Variants in CBFB observed in about 807,000 individuals in gnomAD.
CBFB encodes CBF-beta.
A neutral mutation model predicts 30.4 loss-of-function variants in CBFB; 9 were observed. That is an observed-to-expected ratio of 0.30 (90% CI 0.18 to 0.52). The LOEUF (loss-of-function observed/expected upper bound fraction) is 0.52. Among genes scored for constraint, CBFB ranks in the 20% least tolerant of loss-of-function variants. CBFB has a pLI of 0.97. For synonymous variants in CBFB, 94 were observed against 84.0 expected (o/e 1.12, Z -0.65); for missense variants, 170 against 244.0 (o/e 0.70, Z 2.02).
intron 5 of CBFB, 57 bp downstream of exon 5, chr16:67,082,365 G>A (rs1161297618): frequency 1.3e-6 from 2 of 1,594,806 alleles, no homozygotes; most frequent in Non-Finnish European, 1.7e-6. Flanking sequence ...CAAACTCTCA[G>A]GCTGTGTTTG....
intron 4 of CBFB, among the ~76,000 whole-genome samples, chr16:67,079,459 A>G (rs1404535011): frequency 6.6e-6 from 1 of 151,552 alleles, no homozygotes; most frequent in Non-Finnish European, 1.5e-5. Context: ...ATCCAGCAGT[A>G]CACAGTCCAG....
intron 5 of CBFB, among the ~76,000 whole-genome samples, chr16:67,092,706 T>C (rs1286568488): frequency 8.5e-6 from 1 of 117,814 alleles, no homozygotes; most frequent in African/African-American, 3.7e-5. Flanking sequence ...ATCTTTTTTT[T>C]TTTTTTTTTT....
intron 3 of CBFB, among the ~76,000 whole-genome samples, chr16:67,044,772 A>G (rs926554009): frequency 1.3e-5 from 2 of 152,200 alleles, no homozygotes; most frequent in African/African-American, 4.8e-5. Flanking sequence ...CAGAGTTTAC[A>G]GGACTTCTTG....
chr16:67,029,728 T>G lies in CBFB; in HGVS notation c.80T>G (p.Ile27Ser). The change falls in exon 2 of 6, where the codon ATT becomes AGT. Residue 27 changes from isoleucine to serine, a missense_variant and splice_region_variant. Ile to Ser is a moderately radical substitution (Grantham distance 142). Transcript: ENST00000412916. Reference protein sequence around the residue: ...FFRKLSRECEIKYTGFRDRPH... With the variant: ...FFRKLSRECESKYTGFRDRPH... ...ATTTCGGGCCGTCTTGCCTTGCAGATTAAGTACACGGGCTTCAGGGACCGG... is the reference window on the plus strand; with the variant it reads ...ATTTCGGGCCGTCTTGCCTTGCAGAGTAAGTACACGGGCTTCAGGGACCGG... 6.3e-7 allele frequency: 1 copy of G among 1,590,412 alleles called. No homozygotes were observed. The highest frequency in any genetic ancestry group is 8.5e-7 in the Non-Finnish European group (1 of 1,170,028).
chr16:67,084,356 A>G (rs890294936), intron 5 of CBFB, among the ~76,000 whole-genome samples: 2 of 152,116 alleles, frequency 1.3e-5, no homozygotes, highest in Non-Finnish European at 2.9e-5. Flanking sequence ...TAATCAAAAC[A>G]CATTAAAATA....
At chr16:67,052,798 C>CA (rs1449256775) in intron 3 of CBFB, among the ~76,000 whole-genome samples, 2 of 151,778 alleles carry the variant, frequency 1.3e-5, no homozygotes, top group Non-Finnish European at 2.9e-5. Flanking sequence ...CCCATCTCTA[C>CA]AAAAAAATAA....
chr16:67,048,817 T>C (rs1966680018), intron 3 of CBFB, among the ~76,000 whole-genome samples: 1 of 140,120 alleles, frequency 7.1e-6, no homozygotes, highest in African/African-American at 2.6e-5. Context: ...CCTTTTTTTT[T>C]TTTTTCTTTT....
At chr16:67,078,155 A>G (rs1028694727) in intron 4 of CBFB, among the ~76,000 whole-genome samples, 2 of 152,228 alleles carry the variant, frequency 1.3e-5, no homozygotes, top group African/African-American at 4.8e-5. Context: ...GCAGGAAAGG[A>G]TCAGGATAAT....
intron 5 of CBFB, among the ~76,000 whole-genome samples, chr16:67,097,470 G>A (rs985500812): frequency 1.7e-4 from 26 of 151,710 alleles, no homozygotes; most frequent in African/African-American, 5.8e-4. Flanking sequence ...GCTTGAACCC[G>A]GGAGTTGGAG....
At chr16:67,073,493 C>T (rs1961293305) in intron 4 of CBFB, among the ~76,000 whole-genome samples, 1 of 152,178 alleles carries the variant, frequency 6.6e-6, no homozygotes, top group Non-Finnish European at 1.5e-5. Context: ...ACTTGTAATC[C>T]CTGCACTCTT....
At chr16:67,049,229 CAG>C (rs561254902) in intron 3 of CBFB, among the ~76,000 whole-genome samples, 25 of 151,946 alleles carry the variant, frequency 1.6e-4, no homozygotes, top group African/African-American at 5.8e-4. Flanking sequence ...TATTTTGAGA[CAG>C]AGTCTCTTGT....
At chr16:67,080,489 A>T (rs939184530) in intron 4 of CBFB, among the ~76,000 whole-genome samples, 1 of 152,124 alleles carries the variant, frequency 6.6e-6, no homozygotes, top group African/African-American at 2.4e-5. Flanking sequence ...AGAAAAAAAA[A>T]TGGTGCCACC....
chr16:67,069,952 G>A (rs1961171407), intron 4 of CBFB, among the ~76,000 whole-genome samples: 1 of 152,114 alleles, frequency 6.6e-6, no homozygotes, highest in Admixed American at 6.5e-5. Flanking sequence ...TCGCACCACT[G>A]CACTCAAGCC....
intron 3 of CBFB, among the ~76,000 whole-genome samples, chr16:67,051,994 T>C (rs1356491571): frequency 6.6e-6 from 1 of 151,544 alleles, no homozygotes; most frequent in African/African-American, 2.4e-5. Flanking sequence ...TTGAGACAAG[T>C]TCTGGCTCTG....
At chr16:67,056,622 G>T (rs560010506) in intron 3 of CBFB, among the ~76,000 whole-genome samples, 75 of 151,462 alleles carry the variant, frequency 5.0e-4, no homozygotes, top group Non-Finnish European at 9.6e-4. Flanking sequence ...CTTGTTTTTG[G>T]TGGTGAGGGA....
intron 5 of CBFB, among the ~76,000 whole-genome samples, chr16:67,087,008 T>A (rs916244830): frequency 6.6e-6 from 1 of 151,966 alleles, no homozygotes; most frequent in Non-Finnish European, 1.5e-5. Context: ...GAAAGCATTC[T>A]GGGCAGGACA....
intron 3 of CBFB, among the ~76,000 whole-genome samples, chr16:67,059,950 A>G (rs1490921196): frequency 1.3e-5 from 2 of 150,442 alleles, no homozygotes; most frequent in African/African-American, 2.5e-5. Context: ...ATTGTTGCAA[A>G]CTTTTAATTC....
chr16:67,065,540 A>G (rs28502022), intron 3 of CBFB, among the ~76,000 whole-genome samples: 1 of 151,828 alleles, frequency 6.6e-6, no homozygotes, highest in African/African-American at 2.4e-5. Flanking sequence ...TCATTTTTTT[A>G]TTTTTATTTT....
intron 3 of CBFB, among the ~76,000 whole-genome samples, 190 bp downstream of exon 3, chr16:67,036,945 C>T (rs1232290747): frequency 1.3e-5 from 2 of 151,736 alleles, no homozygotes; most frequent in African/African-American, 4.8e-5. Context: ...GTTGCCCAGG[C>T]TGGAGTGCAG....
Sources: allele counts gnomAD v4.1 joint callset (sites outside exome capture counted in the v4.1 genomes callset), GRCh38; gene constraint gnomAD v4.1.1; transcripts MANE v1.5; gene names NCBI Gene and HGNC (gene_info 2026-07-23, HGNC 2026-07-21).